ACAN: variants seen among roughly 807,000 people sequenced by gnomAD.
ACAN encodes the protein aggrecan.
Under a neutral mutation model 169.1 loss-of-function variants are expected in ACAN, and 47 were observed. The ratio of observed to expected loss-of-function variants is 0.28; its 90% CI spans 0.22 to 0.35. The LOEUF (loss-of-function observed/expected upper bound fraction) is 0.35, where lower values mean the gene tolerates loss of function less well. Among genes scored for constraint, ACAN ranks in the 10% least tolerant of loss-of-function variants. The probability of loss-of-function intolerance (pLI) is 1.00; values close to 1 mark genes in which losing one functional copy is unlikely to be tolerated. For synonymous variants in ACAN, 1,115 were observed against 1,112.2 expected, an observed-to-expected ratio of 1.00 and a Z score of -0.05; for missense variants, 2,716 against 2,759.9, an observed-to-expected ratio of 0.98 and a Z score of 0.36.
intron 11 of ACAN, among the ~76,000 whole-genome samples, chr15:88,853,933 C>T (rs535271583): frequency 6.6e-6 from 1 of 151,948 alleles, no homozygotes; most frequent in Non-Finnish European, 1.5e-5. Flanking sequence ...CAAACTAAAC[C>T]TGCTCAGTGG....
At chr15:88,844,294 CTTTTTT>C (rs71149235) in intron 6 of ACAN, among the ~76,000 whole-genome samples, 1 of 104,686 alleles carries the variant, frequency 9.6e-6, no homozygotes, top group Admixed American at 1.0e-4. Flanking sequence ...CCATGCTTTG[CTTTTTT>C]TTTTTTTTTT....
intron 1 of ACAN, among the ~76,000 whole-genome samples, chr15:88,828,325 C>T (rs1896276630): frequency 6.6e-6 from 1 of 152,134 alleles, no homozygotes; most frequent in Non-Finnish European, 1.5e-5. Flanking sequence ...GCCACATCGG[C>T]AGTCAGGTAA....
intron 10 of ACAN, chr15:88,850,238 G>A (rs1407072366): frequency 1.0e-5 from 2 of 199,188 alleles, no homozygotes. Context: ...ATTCTCTCCT[G>A]CTTGCAAATA....
At position 88,875,123 on chromosome 15, in the gene ACAN, G is replaced by A. The variant is rs928437798; in HGVS notation, c.*642G>A. The A allele has an allele frequency of 1.9e-5, 3 of 156,992 alleles. No homozygotes were observed. Among genetic ancestry groups the A allele is most frequent in the African/African-American group, 7.2e-5 (3 of 41,540 alleles). The allele number at this position is 156,992 out of a possible 1,614,324, so 9.7% of individuals were successfully genotyped here. ...TGCCTGGGAGTTGGGTTCCCTCCAA[G>A]GGTCCCTCTTTCAGTGTCCTCTCTC... On this transcript the variant is annotated 3_prime_UTR_variant, in exon 19 of 19. Coordinates refer to ENST00000560601, the MANE Select transcript of ACAN (RefSeq NM_001369268.1). This position sits in a 1 kb window ranked among gnomAD's most constrained non-coding sequence, Gnocchi z 4.8.
chr15:88,857,515 T>C lies in ACAN; in HGVS notation c.4930T>C (p.Ser1644Pro). The C allele has an allele frequency of 1.2e-6, 2 of 1,613,938 alleles. No homozygotes were observed. Among genetic ancestry groups the C allele is most frequent in the South Asian group, 2.2e-5 (2 of 91,086 alleles). ...SGVDLGSGPPSGLPDFSGLPS... is the reference protein window; with the variant it reads ...SGVDLGSGPPPGLPDFSGLPS... Reference sequence around the variant, plus strand: ...GGTGGACCTTGGAAGTGGCCCACCCTCTGGCCTGCCTGACTTTAGTGGACT... The same window carrying C: ...GGTGGACCTTGGAAGTGGCCCACCCCCTGGCCTGCCTGACTTTAGTGGACT... The change falls in exon 12 of 19, where the codon TCT becomes CCT. Residue 1644 changes from serine to proline, a missense_variant. Physicochemically the swap from Ser to Pro is moderately conservative, Grantham distance 74 (BLOSUM62 -1). Around this residue, in one of 3 missense-constraint regions of ACAN, gnomAD observed 1,389 missense variants for 1,363.7 expected, o/e 1.02. Transcript: ENST00000560601.
intron 1 of ACAN, among the ~76,000 whole-genome samples, chr15:88,816,782 G>C (rs1025008993): frequency 6.6e-6 from 1 of 152,226 alleles, no homozygotes; most frequent in Non-Finnish European, 1.5e-5. Flanking sequence ...ATGTGTGTAA[G>C]CTCCTGTTTA....
chr15:88,864,753 TA>T, intron 13 of ACAN, among the ~76,000 whole-genome samples: 1 of 152,212 alleles, frequency 6.6e-6, no homozygotes, highest in Non-Finnish European at 1.5e-5. Context: ...ATTTTATCTG[TA>T]TTTCTTAAGA....
At chr15:88,818,863 C>T (rs150049470) in intron 1 of ACAN, among the ~76,000 whole-genome samples, 215 of 152,236 alleles carry the variant, frequency 1.4e-3, no homozygotes, top group African/African-American at 4.9e-3. Flanking sequence ...AATGTGAATA[C>T]GCGATGCCAC....
intron 1 of ACAN, among the ~76,000 whole-genome samples, chr15:88,819,731 A>C (rs889096178): frequency 6.6e-6 from 1 of 151,902 alleles, no homozygotes; most frequent in Non-Finnish European, 1.5e-5. Flanking sequence ...TCACCACTGC[A>C]CTCCAGCCTG....
Position 88,808,665 on chromosome 15 carries a change from G to T in ACAN, c.-8+4856G>T, listed in dbSNP as rs76886225. 2.8e-3 allele frequency among the ~76,000 whole-genome samples: 427 copies of T among 152,260 alleles called. 10 individuals are homozygous for T. In the South Asian group the frequency reaches 0.047, roughly 17 times the overall value. ...TAGCGTCTCATGGATAGAGCCAGGG[G>T]TACTGTGAAACATCTTACAGTGTAC... On this transcript the variant is annotated intron_variant, in intron 1 of 18. Coordinates refer to ENST00000560601, the MANE Select transcript of ACAN (RefSeq NM_001369268.1).
chr15:88,871,864 C>A lies in ACAN; in HGVS notation c.7220-139C>A, dbSNP rs1897387627. Reference sequence around the variant, plus strand: ...GCACGTGCTGAGCCTCTTGTGAGGACCTGAGAAGCACGTGCCTTGCTCCTA... The same window carrying A: ...GCACGTGCTGAGCCTCTTGTGAGGAACTGAGAAGCACGTGCCTTGCTCCTA... On this transcript the variant is annotated intron_variant, in intron 15 of 18. Transcript: ENST00000560601. This position sits in a 1 kb window ranked among gnomAD's most constrained non-coding sequence, Gnocchi z 7.8. 2 of 799,534 alleles carry A rather than the reference C, an allele frequency of 2.5e-6. No individual in the cohort carries two copies. The highest frequency in any genetic ancestry group is 1.6e-5 in the South Asian group (1 of 63,532). 49.5% of individuals were successfully genotyped at this position (799,534 alleles called of 1,614,324 possible).
In ACAN at chr15:88,851,856, G is replaced by A. The variant is rs1294504768; in HGVS notation, c.2089G>A (p.Val697Met). 3.7e-6 allele frequency: 6 copies of A among 1,611,934 alleles called. No homozygotes were observed. The highest frequency in any genetic ancestry group is 1.7e-5 in the Admixed American group (1 of 59,686). The change falls in exon 11 of 19, where the codon GTG becomes ATG. Residue 697 changes from valine to methionine, a missense_variant. Coordinates refer to ENST00000560601, the MANE Select transcript of ACAN (RefSeq NM_001369268.1). The surrounding 1 kb of genome is among the most constrained non-coding windows in gnomAD (Gnocchi z 4.3). Reference sequence around the variant, plus strand: ...TGGCACACCCACATCACCCTCTGGTGTGGAGGAGTGGATCGTGACCCAAGT... The same window carrying A: ...TGGCACACCCACATCACCCTCTGGTATGGAGGAGTGGATCGTGACCCAAGT... Reference protein sequence around the residue: ...EGGTPTSPSGVEEWIVTQVVP... With the variant: ...EGGTPTSPSGMEEWIVTQVVP...
Position 88,840,075 on chromosome 15 carries a change from G to A in ACAN, c.518G>A (p.Arg173Gln), listed in dbSNP as rs769356878. 8.7e-5 allele frequency: 139 copies of A among 1,602,790 alleles called. 2 individuals are homozygous for A. The South Asian group carries it at 1.1e-3, about 13-fold the overall frequency. ...ACCCTCGACTTTGACAGGGCGCAGCGGGCCTGCCTGCAGAACAGTGCCATC... is the reference window on the plus strand; with the variant it reads ...ACCCTCGACTTTGACAGGGCGCAGCAGGCCTGCCTGCAGAACAGTGCCATC... Reference protein sequence around the residue: ...RYTLDFDRAQRACLQNSAIIA... With the variant: ...RYTLDFDRAQQACLQNSAIIA... Residue 173 changes from arginine to glutamine, a missense_variant, in exon 4 of 19, where the codon CGG (arginine) becomes CAG (glutamine). Around this residue, in one of 3 missense-constraint regions of ACAN, gnomAD observed 1,283 missense variants for 1,281.5 expected, o/e 1.00. Transcript: ENST00000560601.
chr15:88,823,875 G>C (rs1387350151), intron 1 of ACAN, among the ~76,000 whole-genome samples: 1 of 152,158 alleles, frequency 6.6e-6, no homozygotes, highest in Non-Finnish European at 1.5e-5. Context: ...AAAGGAGTGA[G>C]AATGGATATT....
At position 88,870,381 on chromosome 15, in the gene ACAN, G is replaced by A. The variant is rs373835452; in HGVS notation, c.7061-1001G>A. Among the ~76,000 whole-genome samples, 1 of 152,202 alleles carries A rather than the reference G, an allele frequency of 6.6e-6. No individual in the cohort carries two copies. The highest frequency in any genetic ancestry group is 1.5e-5 in the Non-Finnish European group (1 of 68,046). Reference sequence around the variant, plus strand: ...CCCAGGGGAAGAAGGAAGAAGGGGGGCCTTGGAATTCACTCTGTCCCACAC... The same window carrying A: ...CCCAGGGGAAGAAGGAAGAAGGGGGACCTTGGAATTCACTCTGTCCCACAC... On this transcript the variant is annotated intron_variant, in intron 14 of 18. Transcript: ENST00000560601. This position sits in a 1 kb window ranked among gnomAD's most constrained non-coding sequence, Gnocchi z 6.3.
At chr15:88,811,478 C>T (rs928081805) in intron 1 of ACAN, among the ~76,000 whole-genome samples, 3 of 152,234 alleles carry the variant, frequency 2.0e-5, no homozygotes, top group Non-Finnish European at 4.4e-5. Context: ...CTCCAAGCCC[C>T]ACATCTCACA....
intron 1 of ACAN, among the ~76,000 whole-genome samples, chr15:88,832,228 G>C (rs1450218531): frequency 2.0e-5 from 3 of 151,748 alleles, no homozygotes; most frequent in African/African-American, 4.9e-5. Flanking sequence ...AAGTTGTGTG[G>C]TCCATTGTAT....
chr15:88,835,271 C>G (rs193024672), intron 1 of ACAN, among the ~76,000 whole-genome samples: 234 of 152,178 alleles, frequency 1.5e-3, no homozygotes, highest in Admixed American at 3.3e-3. Flanking sequence ...GTGGCAGGCC[C>G]AAGTTTCATT....
At chr15:88,844,324 G>A (rs1896743388) in intron 6 of ACAN, among the ~76,000 whole-genome samples, 2 of 147,186 alleles carry the variant, frequency 1.4e-5, no homozygotes, top group Non-Finnish European at 3.0e-5. Context: ...TGGTAGAGAT[G>A]GGGTCTTGTC....
Sources: allele counts gnomAD v4.1 joint callset (sites outside exome capture counted in the v4.1 genomes callset), GRCh38; gene constraint gnomAD v4.1.1; regional missense constraint gnomAD v4.1.1; non-coding constraint Gnocchi (gnomAD v3.1); transcripts MANE v1.5; gene names NCBI Gene and HGNC (gene_info 2026-07-23, HGNC 2026-07-21).